TOR1A: variants seen among roughly 807,000 people sequenced by gnomAD.
TOR1A encodes the protein torsin-1A.
TOR1A carries 18 observed loss-of-function variants against 31.4 expected under a neutral mutation model. The ratio of observed to expected loss-of-function variants is 0.57; its 90% CI spans 0.40 to 0.85. The LOEUF is 0.85. Ranked by LOEUF, TOR1A falls within the 40% of genes least tolerant of loss-of-function variation. The pLI is 0.00. For missense variants in TOR1A, 375 were observed against 416.4 expected (o/e 0.90, Z 0.87); for synonymous variants, 168 against 165.9 (o/e 1.01, Z -0.10).
intron 4 of TOR1A, among the ~76,000 whole-genome samples, chr9:129,817,304 G>A (rs1340491891): frequency 1.3e-5 from 2 of 152,172 alleles, no homozygotes; most frequent in African/African-American, 2.4e-5. Context: ...GCAGAGAAAG[G>A]GAGGAACTAA....
rs1046182420 is a variant in TOR1A at position 129,819,197 on chromosome 9, A to T, written c.445-277T>A. ...TGGGACCTGAACCCAGTCCTGTCTC[A>T]CTCCAAAGCCCGATACTTTGGTTAC... On this transcript the variant is annotated intron_variant, in intron 2 of 4. Transcript: ENST00000351698. Among the ~76,000 whole-genome samples the T allele has an allele frequency of 2.0e-5, 3 of 151,956 alleles. No homozygotes were observed. The East Asian group carries it at 5.8e-4, about 29-fold the overall frequency.
At chr9:129,823,287 T>C (rs2031234415) in intron 1 of TOR1A, 1 of 304,918 alleles carries the variant, frequency 3.3e-6, no homozygotes, top group South Asian at 3.0e-5. Flanking sequence ...ACCCCCAGCT[T>C]AGCGCAAAGT....
At chr9:129,823,415 C>A in intron 1 of TOR1A, 2 of 273,182 alleles carry the variant, frequency 7.3e-6, no homozygotes, top group Non-Finnish European at 1.4e-5. Flanking sequence ...GGGGTCCGGC[C>A]CCCGCGGACT....
At chr9:129,819,087 G>A (rs1008784118) in intron 2 of TOR1A, among the ~76,000 whole-genome samples, 167 bp from the exon 3 acceptor site, 1 of 152,094 alleles carries the variant, frequency 6.6e-6, no homozygotes, top group African/African-American at 2.4e-5. Context: ...CATGGAGTGG[G>A]CACTATCGTT....
chr9:129,822,815 A>T lies in TOR1A; in HGVS notation c.210T>A (p.Phe70Leu). The T allele has an allele frequency of 6.2e-7, 1 of 1,614,194 alleles. No individual in the cohort carries two copies. Among genetic ancestry groups the T allele is most frequent in the Non-Finnish European group, 8.5e-7 (1 of 1,180,026 alleles). ...TGATTTTCTTTGCAAGATGCTGTCC[A>T]AAGAGGTTGTCGTCCAGATCCTTCT... The part of the protein sequence containing the change: ...ALQKDLDDNL[F>L]GQHLAKKIIL... Residue 70 changes from phenylalanine to leucine, a missense_variant, in exon 2 of 5, where the codon TTT (phenylalanine) becomes TTA (leucine). Transcript: ENST00000351698.
intron 4 of TOR1A, 102 bp from the exon 5 acceptor site, chr9:129,814,324 G>C: frequency 6.4e-7 from 1 of 1,564,214 alleles, no homozygotes; most frequent in Non-Finnish European, 8.7e-7. Context: ...TCCCACAAAC[G>C]TCTACTGGGG....
At chr9:129,819,665 G>A (rs2031132333) in intron 2 of TOR1A, among the ~76,000 whole-genome samples, 1 of 152,012 alleles carries the variant, frequency 6.6e-6, no homozygotes, top group African/African-American at 2.4e-5. Context: ...GGAGGCTGAG[G>A]TAGAATTGCA....
rs959436326 is a variant in TOR1A, at chr9:129,824,090, G to C, written c.-5C>G. On this transcript the variant is annotated 5_prime_UTR_variant, in exon 1 of 5. Transcript: ENST00000351698. ...CACGGCCCGGCCCAGCTTCATGCCC[G>C]GACCCGCGCCACCCTGCTTGTTCTC... The C allele has an allele frequency of 6.4e-7, 1 of 1,568,934 alleles. No homozygotes were observed. The highest frequency in any genetic ancestry group is 1.8e-5 in the Admixed American group (1 of 54,438).
Position 129,813,218 on chromosome 9 carries a change from AC to A in TOR1A, c.*753del, listed in dbSNP as rs1440169184. On this transcript the variant is annotated 3_prime_UTR_variant, in exon 5 of 5. Coordinates refer to ENST00000351698, the MANE Select transcript of TOR1A (RefSeq NM_000113.3). ...GACTGGCAAGTGACAAGTTGGAAAT[AC>A]TTTTCTTTCAAAAGACTGGTTCTAA... 5 of 152,484 alleles carry A rather than the reference AC, an allele frequency of 3.3e-5. No homozygotes were observed. Among genetic ancestry groups the A allele is most frequent in the Non-Finnish European group, 7.3e-5 (5 of 68,258 alleles). The allele number at this position is 152,484 out of a possible 1,614,324, so 9.4% of individuals were successfully genotyped here. A position where few individuals can be genotyped will look rare whatever the true frequency, so the allele number is the denominator to read the frequency against.
intron 4 of TOR1A, among the ~76,000 whole-genome samples, chr9:129,817,681 A>G (rs1183752349): frequency 6.8e-6 from 1 of 146,816 alleles, no homozygotes; most frequent in Non-Finnish European, 1.5e-5. Flanking sequence ...CCTGGGCAAC[A>G]GAGCGAGACT....
intron 2 of TOR1A, 97 bp downstream of exon 2, chr9:129,822,484 C>CA (rs1326192774): frequency 6.6e-7 from 1 of 1,525,256 alleles, no homozygotes; most frequent in Non-Finnish European, 9.0e-7. Context: ...TTTCCGGGCT[C>CA]ACTCATTTCA....
Position 129,814,029 on chromosome 9 carries a change from G to A in TOR1A, c.942C>T (p.Phe314=). Residue 314 remains phenylalanine (F), a synonymous_variant, in exon 5 of 5, where the codon TTC becomes TTT. Coordinates refer to ENST00000351698, the MANE Select transcript of TOR1A (RefSeq NM_000113.3). ...ACACCGTTTTGCAGCCTTTATCTGA[G>A]AAAACTCTCTCCTCTTTGGGGAAAA... ...MTFFPKEERV[F]SDKGCKTVFT... 6.2e-7 allele frequency: 1 copy of A among 1,614,132 alleles called. No individual in the cohort carries two copies. The highest frequency in any genetic ancestry group is 8.5e-7 in the Non-Finnish European group (1 of 1,180,002).
Position 129,814,226 on chromosome 9 carries a change from GGAA to G in TOR1A, c.749-7_749-5del. The G allele has an allele frequency of 3.7e-6, 6 of 1,614,022 alleles. No individual in the cohort carries two copies. The highest frequency in any genetic ancestry group is 1.1e-5 in the South Asian group (1 of 91,058). On this transcript the variant is annotated splice_polypyrimidine_tract_variant and splice_region_variant and intron_variant, in intron 4 of 4. Transcript: ENST00000351698. ...AAGCTGCTGTGCCAGAAGCCACCTG[GGAA>G]GAAGAAACAAGGTGCTGTTCATCCA...
In TOR1A at chr9:129,813,642, A is replaced by G. The variant is rs746371315; in HGVS notation, c.*330T>C. ...TTTAAATAAAGTTACCACATTTTCA[A>G]TAAAACTTATTCATCCTTCCTTGAA... On this transcript the variant is annotated 3_prime_UTR_variant, in exon 5 of 5. Coordinates refer to ENST00000351698, the MANE Select transcript of TOR1A (RefSeq NM_000113.3). The G allele has an allele frequency of 7.1e-6, 3 of 425,262 alleles. No homozygotes were observed. Among genetic ancestry groups the G allele is most frequent in the Non-Finnish European group, 1.3e-5 (3 of 231,234 alleles). The allele number at this position is 425,262 out of a possible 1,614,324, so 26.3% of individuals were successfully genotyped here.
At chr9:129,819,802 A>C (rs987858365) in intron 2 of TOR1A, among the ~76,000 whole-genome samples, 5 of 150,878 alleles carry the variant, frequency 3.3e-5, no homozygotes, top group Admixed American at 6.6e-5. Flanking sequence ...AGGCGCCTGT[A>C]ATCCCAGGTA....
chr9:129,820,887 C>T (rs1358645746), intron 2 of TOR1A, among the ~76,000 whole-genome samples: 2 of 152,196 alleles, frequency 1.3e-5, no homozygotes, highest in Non-Finnish European at 2.9e-5. Context: ...GCATGAGCCA[C>T]CACACCCGTG....
chr9:129,823,895 C>T lies in TOR1A; in HGVS notation c.178+13G>A, dbSNP rs1410379327. On this transcript the variant is annotated intron_variant, in intron 1 of 4. Transcript: ENST00000351698. ...AGCCCCAGCCCCAGCCTCCAGCCCCCGCCCCAGCCTACCCTCCCGGCTAAG... is the reference window on the plus strand; with the variant it reads ...AGCCCCAGCCCCAGCCTCCAGCCCCTGCCCCAGCCTACCCTCCCGGCTAAG... The T allele has an allele frequency of 1.3e-6, 2 of 1,558,102 alleles. No individual in the cohort carries two copies. The highest frequency in any genetic ancestry group is 1.7e-6 in the Non-Finnish European group (2 of 1,152,612).
chr9:129,814,331 G>A, intron 4 of TOR1A, 109 bp from the exon 5 acceptor site: 2 of 1,542,928 alleles, frequency 1.3e-6, no homozygotes, highest in African/African-American at 1.4e-5. Context: ...AACGTCTACT[G>A]GGGGTCACCT....
intron 4 of TOR1A, among the ~76,000 whole-genome samples, chr9:129,815,599 C>T (rs148036804): frequency 5.8e-4 from 88 of 152,326 alleles, no homozygotes; most frequent in African/African-American, 2.1e-3. Flanking sequence ...GACGGCAGAA[C>T]AGGTGACCTC....
Sources: allele counts gnomAD v4.1 joint callset (sites outside exome capture counted in the v4.1 genomes callset), GRCh38; gene constraint gnomAD v4.1.1; transcripts MANE v1.5; gene names NCBI Gene and HGNC (gene_info 2026-07-23, HGNC 2026-07-21).